Variants in PDSS1 observed in about 807,000 individuals in gnomAD.
PDSS1 encodes the protein decaprenyl diphosphate synthase subunit 1.
In PDSS1, 43 loss-of-function variants were observed where a neutral mutation model predicts 57.5. The observed-to-expected ratio is 0.75, with a 90% CI of 0.59 to 0.96. PDSS1 has a LOEUF of 0.96. Ranked by LOEUF, PDSS1 falls within the 50% of genes least tolerant of loss-of-function variation. The pLI is 0.00. For missense variants in PDSS1, 438 were observed against 527.8 expected (o/e 0.83, Z 1.67); for synonymous variants, 175 against 191.3 (o/e 0.91, Z 0.70).
chr10:26,729,904 CTTTTTTT>C (rs71403886), intron 8 of PDSS1, among the ~76,000 whole-genome samples: 16 of 75,330 alleles, frequency 2.1e-4, no homozygotes, highest in African/African-American at 8.0e-4. Flanking sequence ...TAGTTGGTTC[CTTTTTTT>C]TTTTTTTTTT....
chr10:26,739,270 G>A lies in PDSS1; in HGVS notation c.1027-3227G>A, dbSNP rs77804144. On this transcript the variant is annotated intron_variant, in intron 10 of 11. Transcript: ENST00000376215. ...GATGGGTTTCACAGAGTTACAACCCGATTTATCCACAGGTGGTTTTCCTAC... is the reference window on the plus strand; with the variant it reads ...GATGGGTTTCACAGAGTTACAACCCAATTTATCCACAGGTGGTTTTCCTAC... Among the ~76,000 whole-genome samples, 1,469 of 152,250 alleles carry A rather than the reference G, an allele frequency of 9.6e-3. 31 individuals carry two copies. Among genetic ancestry groups the A allele is most frequent in the African/African-American group, 0.034 (1,416 of 41,554 alleles).
Position 26,742,478 on chromosome 10 carries a change from TTCTC to T in PDSS1, c.1027-15_1027-12del, listed in dbSNP as rs776541262. On this transcript the variant is annotated splice_polypyrimidine_tract_variant and intron_variant, in intron 10 of 11. Transcript: ENST00000376215. The stretch of plus-strand genomic sequence containing the variant: ...AGAAATAAATAGATTTTCTCAGATT[TTCTC>T]TCTTTTTTTGTTAGTTCCCAGAAAT... 1.0e-5 allele frequency: 16 copies of T among 1,571,902 alleles called. No individual in the cohort carries two copies. The highest frequency in any genetic ancestry group is 2.2e-5 in the East Asian group (1 of 44,696).
At chr10:26,740,555 G>A in intron 10 of PDSS1, 1 of 448,550 alleles carries the variant, frequency 2.2e-6, no homozygotes, top group Non-Finnish European at 4.5e-6. Flanking sequence ...TGATCACTTG[G>A]CTGCGGCTTT....
intron 5 of PDSS1, among the ~76,000 whole-genome samples, chr10:26,718,363 A>T (rs1056378863): frequency 1.3e-5 from 2 of 151,930 alleles, no homozygotes; most frequent in African/African-American, 4.8e-5. Context: ...AGTGGTTTTT[A>T]TATGCTAATT....
At chr10:26,721,022 C>T (rs1424648610) in intron 6 of PDSS1, among the ~76,000 whole-genome samples, 1 of 152,092 alleles carries the variant, frequency 6.6e-6, no homozygotes, top group Non-Finnish European at 1.5e-5. Context: ...AAAGTTTGTG[C>T]AGGCCAGGCG....
intron 5 of PDSS1, chr10:26,718,129 C>T (rs1446738813): frequency 6.6e-6 from 1 of 152,036 alleles, no homozygotes; most frequent in African/African-American, 2.4e-5. Context: ...CTGCAACCTC[C>T]ACTTCCCGGC....
intron 5 of PDSS1, 80 bp from the exon 6 acceptor site, chr10:26,720,138 C>T (rs1170366390): frequency 6.9e-6 from 11 of 1,598,318 alleles, no homozygotes; most frequent in South Asian, 5.6e-5. Context: ...ATCCTAGATC[C>T]GATGTCCAGT....
intron 8 of PDSS1, among the ~76,000 whole-genome samples, chr10:26,734,088 G>A (rs1376138798): frequency 6.6e-6 from 1 of 152,232 alleles, no homozygotes; most frequent in Non-Finnish European, 1.5e-5. Flanking sequence ...TACAAGGTAA[G>A]TGCTTGTGAT....
At chr10:26,714,887 TC>T (rs1835513924) in intron 5 of PDSS1, 3 of 152,324 alleles carry the variant, frequency 2.0e-5, no homozygotes, top group East Asian at 3.9e-4. Context: ...GTGATAACAA[TC>T]CTGTATTCAG....
At chr10:26,704,024 G>A (rs74985049) in intron 2 of PDSS1, among the ~76,000 whole-genome samples, 24,594 of 139,530 alleles carry the variant, frequency 0.18, 2,825 homozygotes, top group East Asian at 0.57. Flanking sequence ...GGAGCCTGCA[G>A]TGAGCCGAGA....
At chr10:26,719,134 T>C (rs1835698246) in intron 5 of PDSS1, among the ~76,000 whole-genome samples, 1 of 152,224 alleles carries the variant, frequency 6.6e-6, no homozygotes, top group Non-Finnish European at 1.5e-5. Flanking sequence ...AAAATAAGCA[T>C]TTGGAATAAG....
chr10:26,704,855 T>G (rs2132217771), intron 3 of PDSS1, 114 bp downstream of exon 3: 1 of 692,164 alleles, frequency 1.4e-6, no homozygotes, highest in South Asian at 1.5e-5. Context: ...CAGGCTGGTC[T>G]TGAACTGCTG....
Position 26,697,751 on chromosome 10 carries a change from TG to T in PDSS1, c.42del (p.Trp14Ter). 7.7e-7 allele frequency: 1 copy of T among 1,293,500 alleles called. No individual in the cohort carries two copies. The highest frequency in any genetic ancestry group is 2.5e-5 in the South Asian group (1 of 40,650). 80.1% of individuals were successfully genotyped at this position (1,293,500 alleles called of 1,614,324 possible). A position where few individuals can be genotyped will look rare whatever the true frequency, so the allele number is the denominator to read the frequency against. ...RWWRWRRGCS[W>X]KPAARSPGPG... ...GTGGCGGTGGCGGCGCGGCTGCTCC[TG>T]GAAGCCGGCGGCGCGGAGCCCCGGG... On this transcript the variant is annotated frameshift_variant, in exon 1 of 12. Transcript: ENST00000376215. LOFTEE classifies it high-confidence loss of function.
In PDSS1 at chr10:26,724,137, GTCTT is replaced by G; in HGVS notation, c.831+19_831+22del. 6.4e-7 allele frequency: 1 copy of G among 1,550,966 alleles called. No individual in the cohort carries two copies. Among genetic ancestry groups the G allele is most frequent in the Non-Finnish European group, 8.9e-7 (1 of 1,122,334 alleles). On this transcript the variant is annotated intron_variant, in intron 8 of 11. Coordinates refer to ENST00000376215, the MANE Select transcript of PDSS1 (RefSeq NM_014317.5). ...AGTTGTAAAGCAGTATGTACGTTCT[GTCTT>G]TCTTCAAGTTAAAGCCTCATAGCTC... is the stretch of plus-strand genomic sequence containing the variant.
At chr10:26,723,755 T>C in intron 6 of PDSS1, 51 bp from the exon 7 acceptor site, 1 of 1,246,822 alleles carries the variant, frequency 8.0e-7, no homozygotes, top group Non-Finnish European at 1.2e-6. Flanking sequence ...TTGGCTCTAC[T>C]GCTCTGATGG....
chr10:26,723,702 G>A lies in PDSS1; in HGVS notation c.610-104G>A, dbSNP rs753120819. ...AGGTAAAAAACCCTGCATCCAAGATGAGCCCCCACTTCCACGAAGCTCCCT... is the reference window on the plus strand; with the variant it reads ...AGGTAAAAAACCCTGCATCCAAGATAAGCCCCCACTTCCACGAAGCTCCCT... On this transcript the variant is annotated intron_variant, in intron 6 of 11. Coordinates refer to ENST00000376215, the MANE Select transcript of PDSS1 (RefSeq NM_014317.5). 1.5e-4 allele frequency: 117 copies of A among 804,766 alleles called. 2 individuals are homozygous for A. In the Middle Eastern group the frequency reaches 0.013, roughly 89 times the overall value. The allele number at this position is 804,766 out of a possible 1,614,324, so 49.9% of individuals were successfully genotyped here.
intron 4 of PDSS1, among the ~76,000 whole-genome samples, chr10:26,706,542 C>T (rs1196936399): frequency 6.6e-6 from 1 of 152,188 alleles, no homozygotes; most frequent in African/African-American, 2.4e-5. Flanking sequence ...CATGGCCTCT[C>T]CCTCTGTCTG....
chr10:26,734,844 A>G, intron 8 of PDSS1: 1 of 442,756 alleles, frequency 2.3e-6, no homozygotes, highest in Non-Finnish European at 4.5e-6. Context: ...GCCAACAGTA[A>G]TCGGGCTAGC....
intron 5 of PDSS1, among the ~76,000 whole-genome samples, chr10:26,713,873 A>G (rs1312141744): frequency 6.6e-6 from 1 of 151,990 alleles, no homozygotes; most frequent in Non-Finnish European, 1.5e-5. Context: ...CTTGGTTACA[A>G]AGAGTCCTCT....
Sources: gnomAD v4.1 joint callset for allele counts (sites outside exome capture counted in the v4.1 genomes callset) on GRCh38, gnomAD v4.1.1 for gene constraint, MANE v1.5 for transcripts, NCBI Gene and HGNC (gene_info 2026-07-23, HGNC 2026-07-21) for gene names.